Variants in LIMS1 observed in about 807,000 individuals in gnomAD.
LIMS1 encodes LIM and senescent cell antigen-like-containing domain protein 1.
A neutral mutation model predicts 44.1 loss-of-function variants in LIMS1; 18 were observed. The observed-to-expected ratio is 0.41, with a 90% CI of 0.28 to 0.61. The LOEUF (loss-of-function observed/expected upper bound fraction) is 0.61. Among genes scored for constraint, LIMS1 ranks in the 20% least tolerant of loss-of-function variants. The pLI is 0.32. For synonymous variants in LIMS1, 93 were observed against 149.1 expected (o/e 0.62, Z 2.74); for missense variants, 201 against 422.0 (o/e 0.48, Z 4.59).
chr2:108,610,315 CTGGAAT>C (rs1687533654), intron 1 of LIMS1, among the ~76,000 whole-genome samples: 1 of 152,064 alleles, frequency 6.6e-6, no homozygotes, highest in South Asian at 2.1e-4. Flanking sequence ...TCCCAAAGTG[CTGGAAT>C]TACAGGTGTG....
At position 108,630,367 on chromosome 2, in the gene LIMS1, A is replaced by C. The variant is rs558939351; in HGVS notation, c.33-29238A>C. On this transcript the variant is annotated intron_variant, in intron 1 of 9. Transcript: ENST00000544547. The stretch of plus-strand genomic sequence containing the variant: ...TTAATTATGTCACACTTACATGCTG[A>C]AGAACTCAGGGATCCAATGATACAA... 3.3e-4 allele frequency among the ~76,000 whole-genome samples: 50 copies of C among 152,290 alleles called. No individual in the cohort carries two copies. The South Asian group carries it at 0.01, about 31-fold the overall frequency.
chr2:108,611,167 C>T (rs78979571), intron 1 of LIMS1, among the ~76,000 whole-genome samples: 3,878 of 152,278 alleles, frequency 0.025, 125 homozygotes, highest in South Asian at 0.13. Flanking sequence ...CACTCAATTA[C>T]GTAATAACTG....
intron 1 of LIMS1, among the ~76,000 whole-genome samples, chr2:108,547,958 T>C (rs918409663): frequency 1.3e-5 from 2 of 152,158 alleles, no homozygotes; most frequent in African/African-American, 4.8e-5. Flanking sequence ...GGAGTGTGGG[T>C]AGTGATATTT....
At chr2:108,626,236 G>T (rs577453755) in intron 1 of LIMS1, among the ~76,000 whole-genome samples, 3 of 152,250 alleles carry the variant, frequency 2.0e-5, no homozygotes, top group African/African-American at 7.2e-5. Context: ...TAGAAATGTA[G>T]TCTGTTAGAC....
intron 1 of LIMS1, among the ~76,000 whole-genome samples, chr2:108,556,435 CTGTT>C (rs1295436857): frequency 1.3e-5 from 2 of 152,206 alleles, no homozygotes; most frequent in Non-Finnish European, 2.9e-5. Flanking sequence ...GTACAAATAT[CTGTT>C]TGAGTCCCTG....
chr2:108,635,059 C>A (rs1166094700), intron 1 of LIMS1, among the ~76,000 whole-genome samples: 1 of 152,146 alleles, frequency 6.6e-6, no homozygotes, highest in Non-Finnish European at 1.5e-5. Context: ...GGGGTCTACA[C>A]TGGGGTGTGG....
intron 1 of LIMS1, among the ~76,000 whole-genome samples, chr2:108,551,490 C>A (rs939371254): frequency 6.4e-4 from 54 of 85,018 alleles, no homozygotes; most frequent in Non-Finnish European, 1.0e-3. Context: ...TGCGCGCGCG[C>A]GCACACACAC....
chr2:108,613,071 T>C (rs1276274124), intron 1 of LIMS1, among the ~76,000 whole-genome samples: 1 of 152,216 alleles, frequency 6.6e-6, no homozygotes, highest in African/African-American at 2.4e-5. Context: ...GTCGTTTAAC[T>C]GCTTTAAGAC....
chr2:108,658,644 A>G (rs1273303418), intron 1 of LIMS1, among the ~76,000 whole-genome samples: 2 of 152,126 alleles, frequency 1.3e-5, no homozygotes, highest in East Asian at 3.9e-4. Context: ...TCCTTCTTCC[A>G]AACTGCACAG....
intron 1 of LIMS1, among the ~76,000 whole-genome samples, chr2:108,596,163 T>C (rs1002815317): frequency 2.2e-4 from 33 of 152,382 alleles, no homozygotes; most frequent in African/African-American, 7.9e-4. Context: ...GGCCAACATT[T>C]GTATAGTACT....
At chr2:108,625,731 T>G (rs1041785656) in intron 1 of LIMS1, among the ~76,000 whole-genome samples, 1 of 152,228 alleles carries the variant, frequency 6.6e-6, no homozygotes, top group Non-Finnish European at 1.5e-5. Context: ...AGTAGTACCC[T>G]TCTCCTGATT....
At chr2:108,585,618 G>A (rs1686068985) in intron 1 of LIMS1, among the ~76,000 whole-genome samples, 1 of 152,016 alleles carries the variant, frequency 6.6e-6, no homozygotes, top group African/African-American at 2.4e-5. Flanking sequence ...GCAATGAGAG[G>A]AGCAGAAAGC....
At chr2:108,622,848 A>T (rs566975953) in intron 1 of LIMS1, among the ~76,000 whole-genome samples, 1 of 152,044 alleles carries the variant, frequency 6.6e-6, no homozygotes, top group Admixed American at 6.6e-5. Flanking sequence ...TAAGTTATAT[A>T]AAAAAAATTC....
intron 1 of LIMS1, among the ~76,000 whole-genome samples, chr2:108,580,594 A>G (rs143194611): frequency 2.6e-5 from 4 of 152,330 alleles, no homozygotes; most frequent in African/African-American, 9.6e-5. Context: ...TAATCCACAT[A>G]GGAGGTGATG....
intron 1 of LIMS1, among the ~76,000 whole-genome samples, chr2:108,536,727 C>T (rs1414344199): frequency 6.6e-6 from 1 of 152,152 alleles, no homozygotes; most frequent in East Asian, 1.9e-4. Flanking sequence ...ACTACAGACA[C>T]ACGCCACCAT....
chr2:108,631,222 G>A (rs941017084), intron 1 of LIMS1, among the ~76,000 whole-genome samples: 3 of 152,110 alleles, frequency 2.0e-5, no homozygotes, highest in Non-Finnish European at 4.4e-5. Flanking sequence ...ATATACCTCC[G>A]CCCTTCCCTT....
chr2:108,597,367 A>G (rs1163550018), intron 1 of LIMS1, among the ~76,000 whole-genome samples: 1 of 152,218 alleles, frequency 6.6e-6, no homozygotes, highest in Non-Finnish European at 1.5e-5. Context: ...GCAACACGTG[A>G]TTGTAATGAT....
At position 108,607,428 on chromosome 2, in the gene LIMS1, A is replaced by G. The variant is rs151288080; in HGVS notation, c.33-52177A>G. On this transcript the variant is annotated intron_variant, in intron 1 of 9. Coordinates refer to ENST00000544547, the Ensembl canonical transcript of LIMS1. ...TTTTGTGCATCTAGTAGGATTCACT[A>G]TGGTTTCATTTTTAGGTATTTCTCT... 3.0e-4 allele frequency among the ~76,000 whole-genome samples: 46 copies of G among 152,302 alleles called. No individual in the cohort carries two copies. In the East Asian group the frequency reaches 7.7e-3, roughly 26 times the overall value.
chr2:108,597,743 A>C (rs992273633), intron 1 of LIMS1, among the ~76,000 whole-genome samples: 1 of 134,896 alleles, frequency 7.4e-6, no homozygotes, highest in African/African-American at 2.8e-5. Context: ...CCCAGGCTGG[A>C]GTGCAGTGAT....
Sources: allele counts gnomAD v4.1 joint callset (sites outside exome capture counted in the v4.1 genomes callset), GRCh38; gene constraint gnomAD v4.1.1; transcripts MANE v1.5; gene names NCBI Gene and HGNC (gene_info 2026-07-23, HGNC 2026-07-21).